Variants in TBC1D12 observed in about 807,000 individuals in gnomAD.
The protein encoded by TBC1D12 is TBC1 domain family member 12, also known as TBC1 domain family, member 12.
TBC1D12 carries 56 observed loss-of-function variants against 86.7 expected under a neutral mutation model. That is an observed-to-expected ratio of 0.65 (90% CI 0.52 to 0.81). The LOEUF (loss-of-function observed/expected upper bound fraction) is 0.81, where lower values mean the gene tolerates loss of function less well. Among genes scored for constraint, TBC1D12 ranks in the 30% least tolerant of loss-of-function variants. The pLI is 0.00. For synonymous variants in TBC1D12, 421 were observed against 411.7 expected, an observed-to-expected ratio of 1.02 and a Z score of -0.27; for missense variants, 1,023 against 1,038.8, an observed-to-expected ratio of 0.98 and a Z score of 0.21.
intron 1 of TBC1D12, among the ~76,000 whole-genome samples, chr10:94,421,973 G>A (rs919120395): frequency 2.6e-5 from 4 of 152,142 alleles, no homozygotes; most frequent in African/African-American, 9.7e-5. Context: ...TCCTATGGGT[G>A]TCATTAAACC....
intron 1 of TBC1D12, among the ~76,000 whole-genome samples, chr10:94,435,317 A>G (rs1564944932): frequency 6.6e-6 from 1 of 152,228 alleles, no homozygotes; most frequent in Admixed American, 6.5e-5. Context: ...AAACAAATTT[A>G]TATCATGTAA....
At position 94,520,405 on chromosome 10, in the gene TBC1D12, A is replaced by G. The variant is rs187972606; in HGVS notation, c.1762-1550A>G. On this transcript the variant is annotated intron_variant, in intron 9 of 12. Coordinates refer to ENST00000225235, the MANE Select transcript of TBC1D12 (RefSeq NM_015188.2). The stretch of plus-strand genomic sequence containing the variant: ...CCGTCTCTACTAAAAATACAAAATT[A>G]GCCGGGGTGGTGGCACATGCCTGTA... Among the ~76,000 whole-genome samples, 2 of 151,974 alleles carry G rather than the reference A, an allele frequency of 1.3e-5. 1 individual carries two copies. Among genetic ancestry groups the G allele is most frequent in the Admixed American group, 1.3e-4 (2 of 15,262 alleles).
intron 9 of TBC1D12, among the ~76,000 whole-genome samples, chr10:94,519,556 A>T (rs1409798165): frequency 6.6e-6 from 1 of 152,186 alleles, no homozygotes; most frequent in Non-Finnish European, 1.5e-5. Flanking sequence ...AAACACACAT[A>T]CAACAACAAC....
At chr10:94,530,552 C>T (rs983370975) in intron 11 of TBC1D12, among the ~76,000 whole-genome samples, 7 of 152,068 alleles carry the variant, frequency 4.6e-5, no homozygotes, top group Non-Finnish European at 7.4e-5. Flanking sequence ...AACACTTTTA[C>T]GTTTATTAAC....
chr10:94,465,917 C>T lies in TBC1D12; in HGVS notation c.1096-8751C>T, dbSNP rs1421590469. 7.4e-5 allele frequency among the ~76,000 whole-genome samples: 11 copies of T among 149,296 alleles called. No individual in the cohort carries two copies. In the South Asian group the frequency reaches 1.3e-3, roughly 17 times the overall value. Reference sequence around the variant, plus strand: ...ATACATACGCATATATACATATATACGTATATATGCGTATATATGTATATA... The same window carrying T: ...ATACATACGCATATATACATATATATGTATATATGCGTATATATGTATATA... On this transcript the variant is annotated intron_variant, in intron 2 of 12. Transcript: ENST00000225235.
intron 6 of TBC1D12, among the ~76,000 whole-genome samples, chr10:94,504,628 G>A (rs568565647): frequency 6.6e-6 from 1 of 152,208 alleles, no homozygotes; most frequent in African/African-American, 2.4e-5. Flanking sequence ...AGTCAAATAT[G>A]GTTCAAATCT....
chr10:94,418,310 G>T (rs1018928466), intron 1 of TBC1D12, among the ~76,000 whole-genome samples: 1 of 152,064 alleles, frequency 6.6e-6, no homozygotes, highest in Admixed American at 6.6e-5. Context: ...TAAACATATA[G>T]ATTTTGGTAA....
At chr10:94,497,822 T>C (rs1295893443) in intron 5 of TBC1D12, among the ~76,000 whole-genome samples, 5 of 119,066 alleles carry the variant, frequency 4.2e-5, no homozygotes, top group African/African-American at 1.5e-4. Flanking sequence ...CTGTGTTTTC[T>C]TTTTTTTTTT....
intron 3 of TBC1D12, among the ~76,000 whole-genome samples, chr10:94,489,803 A>G (rs1036378378): frequency 6.6e-6 from 1 of 152,228 alleles, no homozygotes; most frequent in Non-Finnish European, 1.5e-5. Context: ...TCTGTGGAGC[A>G]GTAAGACACA....
chr10:94,403,104 G>T lies in TBC1D12; in HGVS notation c.491G>T (p.Arg164Leu). 1.4e-6 allele frequency: 2 copies of T among 1,390,468 alleles called. No homozygotes were observed. Among genetic ancestry groups the T allele is most frequent in the South Asian group, 1.7e-5 (1 of 58,276 alleles). 86.1% of individuals were successfully genotyped at this position (1,390,468 alleles called of 1,614,324 possible). A position where few individuals can be genotyped will look rare whatever the true frequency, so the allele number is the denominator to read the frequency against. The part of the protein sequence containing the change: ...GLARAGGRES[R>L]RRRPYGRLRL... ...GCGCGCGCCGGCGGCCGGGAGTCGC[G>T]CCGCCGCCGCCCCTACGGCCGCCTT... The change falls in exon 1 of 13, where the codon CGC (arginine) becomes CTC (leucine). Residue 164 changes from arginine (R) to leucine (L), a missense_variant. Physicochemically the swap from Arg to Leu is moderately radical, Grantham distance 102. Transcript: ENST00000225235.
At chr10:94,448,524 T>A (rs1377013682) in intron 2 of TBC1D12, among the ~76,000 whole-genome samples, 1 of 152,202 alleles carries the variant, frequency 6.6e-6, no homozygotes, top group Admixed American at 6.5e-5. Flanking sequence ...TTGCCCAGGC[T>A]AGAATGCAGT....
chr10:94,472,370 A>G (rs963770827), intron 2 of TBC1D12, among the ~76,000 whole-genome samples: 2 of 152,240 alleles, frequency 1.3e-5, no homozygotes, highest in African/African-American at 2.4e-5. Context: ...AAATGAGTAT[A>G]CATCTTTGTG....
intron 2 of TBC1D12, among the ~76,000 whole-genome samples, chr10:94,464,728 A>G (rs1163342812): frequency 1.3e-5 from 2 of 152,258 alleles, no homozygotes; most frequent in Non-Finnish European, 2.9e-5. Context: ...AGTTATTACT[A>G]TACCCCCAGT....
chr10:94,437,541 A>C (rs1564945982), intron 1 of TBC1D12, among the ~76,000 whole-genome samples: 1 of 151,716 alleles, frequency 6.6e-6, no homozygotes, highest in Admixed American at 6.6e-5. Flanking sequence ...TTAGCCAGGA[A>C]GGTCTCGATT....
intron 2 of TBC1D12, among the ~76,000 whole-genome samples, chr10:94,470,727 C>T: frequency 7.1e-6 from 1 of 140,132 alleles, no homozygotes; most frequent in East Asian, 2.0e-4. Flanking sequence ...TTTTTTAATC[C>T]AGGAGTGCTG....
At chr10:94,405,551 T>G (rs1210512177) in intron 1 of TBC1D12, among the ~76,000 whole-genome samples, 1 of 152,208 alleles carries the variant, frequency 6.6e-6, no homozygotes, top group East Asian at 1.9e-4. Flanking sequence ...TTTATAAATT[T>G]GTGACACTGT....
At chr10:94,496,972 A>G (rs993801563) in intron 4 of TBC1D12, 83 bp from the exon 5 acceptor site, 14 of 705,198 alleles carry the variant, frequency 2.0e-5, no homozygotes, top group African/African-American at 5.7e-5. Context: ...GAGAAAGTCT[A>G]TTTTGTAGAG....
intron 5 of TBC1D12, among the ~76,000 whole-genome samples, chr10:94,498,795 G>T (rs1349641469): frequency 6.6e-6 from 1 of 151,560 alleles, no homozygotes; most frequent in Non-Finnish European, 1.5e-5. Flanking sequence ...TCAAGACGAG[G>T]TCTCACTCTG....
chr10:94,500,270 A>T lies in TBC1D12; in HGVS notation c.1462A>T (p.Ser488Cys). 1 of 1,614,064 alleles carries T rather than the reference A, an allele frequency of 6.2e-7. No homozygotes were observed. Among genetic ancestry groups the T allele is most frequent in the Non-Finnish European group, 8.5e-7 (1 of 1,179,982 alleles). ...RELWWQGLPP[S>C]VRGKVWSLAV... ...ATTGTGGTGGCAGGGATTGCCCCCT[A>T]GTGTCCGTGGGAAAGTTTGGAGTCT... is the stretch of plus-strand genomic sequence containing the variant. Residue 488 changes from serine (S) to cysteine (C), a missense_variant, in exon 6 of 13, where the codon AGT becomes TGT. Physicochemically the swap from Ser to Cys is moderately radical, Grantham distance 112 (BLOSUM62 -1). Coordinates refer to ENST00000225235, the MANE Select transcript of TBC1D12 (RefSeq NM_015188.2).
Sources: allele counts gnomAD v4.1 joint callset (sites outside exome capture counted in the v4.1 genomes callset), GRCh38; gene constraint gnomAD v4.1.1; transcripts MANE v1.5; gene names NCBI Gene and HGNC (gene_info 2026-07-23, HGNC 2026-07-21).